AKAP6: variants seen among roughly 807,000 people sequenced by gnomAD.
AKAP6 encodes A-kinase anchoring protein 6, also known as A-kinase anchor protein 6.
AKAP6 carries 58 observed loss-of-function variants against 188.5 expected under a neutral mutation model. The ratio of observed to expected loss-of-function variants is 0.31; its 90% confidence interval spans 0.25 to 0.38. The LOEUF (loss-of-function observed/expected upper bound fraction) is 0.38. AKAP6 is among the 10% of genes least tolerant of loss of function. AKAP6 has a pLI of 1.00. For missense variants in AKAP6, 2,710 were observed against 2,740.0 expected, an observed-to-expected ratio of 0.99 and a Z score of 0.24; for synonymous variants, 989 against 998.6, an observed-to-expected ratio of 0.99 and a Z score of 0.18.
chr14:32,645,335 T>C (rs1887942453), intron 7 of AKAP6, among the ~76,000 whole-genome samples: 1 of 152,242 alleles, frequency 6.6e-6, no homozygotes, highest in African/African-American at 2.4e-5. Flanking sequence ...CTATCAGTAA[T>C]GTTTGTTGCA....
intron 8 of AKAP6, among the ~76,000 whole-genome samples, chr14:32,679,952 A>G (rs566810085): frequency 6.6e-6 from 1 of 152,334 alleles, no homozygotes; most frequent in South Asian, 2.1e-4. Flanking sequence ...CTAAATGCCT[A>G]AATAGCCTCT....
chr14:32,818,912 A>G (rs2034452946), intron 12 of AKAP6, among the ~76,000 whole-genome samples: 1 of 152,190 alleles, frequency 6.6e-6, no homozygotes, highest in African/African-American at 2.4e-5. Flanking sequence ...TCAATTATTT[A>G]TTAGCACTCT....
Position 32,546,555 on chromosome 14 carries a change from C to T in AKAP6, c.1902C>T (p.Pro634=), listed in dbSNP as rs760787341. Residue 634 remains proline, a synonymous_variant, in exon 4 of 14, where the codon CCC becomes CCT. Coordinates refer to ENST00000280979, the MANE Select transcript of AKAP6 (RefSeq NM_004274.5). The part of the protein sequence containing the change: ...WYGSDEYLAL[P]SHLKQTEVLA... ...GCTCTGATGAATACCTAGCACTGCC[C>T]TCTCACCTTAAGCAGACAGAAGTAT... 6.2e-7 allele frequency: 1 copy of T among 1,614,034 alleles called. No homozygotes were observed. Among genetic ancestry groups the T allele is most frequent in the Admixed American group, 1.7e-5 (1 of 59,992 alleles).
At chr14:32,536,324 A>T (rs1314934553) in intron 3 of AKAP6, among the ~76,000 whole-genome samples, 5 of 152,208 alleles carry the variant, frequency 3.3e-5, no homozygotes, top group Non-Finnish European at 5.9e-5. Flanking sequence ...AGAGACAGGA[A>T]TAGACTGGTG....
chr14:32,766,522 TC>T (rs2032725102), intron 11 of AKAP6, among the ~76,000 whole-genome samples: 2 of 152,172 alleles, frequency 1.3e-5, no homozygotes, highest in Non-Finnish European at 2.9e-5. Flanking sequence ...ACTTGTTATT[TC>T]CTTTTTAGCC....
chr14:32,798,917 G>T (rs2033855787), intron 12 of AKAP6, among the ~76,000 whole-genome samples: 1 of 152,100 alleles, frequency 6.6e-6, no homozygotes, highest in Admixed American at 6.6e-5. Context: ...TAGGTAATGG[G>T]AGGTTTAAAT....
At chr14:32,465,821 A>G (rs550745425) in intron 2 of AKAP6, among the ~76,000 whole-genome samples, 1 of 152,358 alleles carries the variant, frequency 6.6e-6, no homozygotes, top group East Asian at 1.9e-4. Context: ...AAATTTTTGC[A>G]ATCTATCCAT....
intron 2 of AKAP6, among the ~76,000 whole-genome samples, chr14:32,464,640 T>C (rs537467609): frequency 2.0e-5 from 3 of 152,204 alleles, no homozygotes; most frequent in South Asian, 4.1e-4. Flanking sequence ...ACCAACATCA[T>C]ACTGAATGGG....
chr14:32,401,142 G>C (rs1332793616), intron 1 of AKAP6, among the ~76,000 whole-genome samples: 2 of 152,164 alleles, frequency 1.3e-5, no homozygotes, highest in African/African-American at 2.4e-5. Context: ...GCTAATCTAG[G>C]GTATAGGGGC....
chr14:32,693,201 TG>T (rs1337153702), intron 8 of AKAP6, among the ~76,000 whole-genome samples: 25 of 152,258 alleles, frequency 1.6e-4, no homozygotes, highest in African/African-American at 4.8e-4. Flanking sequence ...GGGCTGTAGC[TG>T]GTCTAGCTTA....
At chr14:32,537,930 C>T (rs1882759631) in intron 3 of AKAP6, among the ~76,000 whole-genome samples, 1 of 152,150 alleles carries the variant, frequency 6.6e-6, no homozygotes, top group South Asian at 2.1e-4. Flanking sequence ...TCTATTCTCA[C>T]AACACGAACT....
At chr14:32,453,570 C>CTTTTTTTTTTTTTTTTT (rs1891006364) in intron 2 of AKAP6, among the ~76,000 whole-genome samples, 1 of 70,914 alleles carries the variant, frequency 1.4e-5, no homozygotes, top group Non-Finnish European at 2.5e-5. Context: ...TAGAATTTTT[C>CTTTTTTTTTTTTTTTTT]TTTTCTTTTT....
intron 2 of AKAP6, among the ~76,000 whole-genome samples, chr14:32,439,936 T>G (rs1890515617): frequency 6.6e-6 from 1 of 152,218 alleles, no homozygotes. Context: ...ATCTTTCTTT[T>G]CTGCGAAGAG....
chr14:32,433,800 C>T lies in AKAP6; in HGVS notation c.307C>T (p.His103Tyr). Residue 103 changes from histidine to tyrosine, a missense_variant, in exon 2 of 14, where the codon CAT becomes TAT. His to Tyr is a moderately conservative substitution (Grantham distance 83). Coordinates refer to ENST00000280979, the MANE Select transcript of AKAP6 (RefSeq NM_004274.5). ...TTCGGACAGCAAGCATGTGGATGTACATCTAGTTCAACTAAAGGTAAGGCA... is the reference window on the plus strand; with the variant it reads ...TTCGGACAGCAAGCATGTGGATGTATATCTAGTTCAACTAAAGGTAAGGCA... The part of the protein sequence containing the change: ...QDSDSKHVDV[H>Y]LVQLKDICED... 6.2e-7 allele frequency: 1 copy of T among 1,613,286 alleles called. No homozygotes were observed. Among genetic ancestry groups the T allele is most frequent in the South Asian group, 1.1e-5 (1 of 91,048 alleles).
chr14:32,652,148 C>G (rs530935084), intron 7 of AKAP6, among the ~76,000 whole-genome samples: 25 of 152,246 alleles, frequency 1.6e-4, no homozygotes, highest in African/African-American at 6.0e-4. Flanking sequence ...CTGTTGTCAC[C>G]TAAAAGTTTC....
chr14:32,721,739 G>C (rs1331013744), intron 9 of AKAP6, among the ~76,000 whole-genome samples: 1 of 152,160 alleles, frequency 6.6e-6, no homozygotes, highest in Non-Finnish European at 1.5e-5. Flanking sequence ...TCTAGCGAGT[G>C]ACAGCTTCTT....
intron 12 of AKAP6, among the ~76,000 whole-genome samples, chr14:32,814,639 C>A (rs145429983): frequency 2.7e-4 from 41 of 152,338 alleles, no homozygotes; most frequent in African/African-American, 8.9e-4. Context: ...ACCCTCAGAA[C>A]CTTTCTCCAG....
At chr14:32,727,680 T>C (rs573552595) in intron 9 of AKAP6, among the ~76,000 whole-genome samples, 1 of 152,272 alleles carries the variant, frequency 6.6e-6, no homozygotes, top group Non-Finnish European at 1.5e-5. Context: ...TTAAATGACA[T>C]TGCACTTTTT....
At chr14:32,458,534 C>T (rs1306672654) in intron 2 of AKAP6, among the ~76,000 whole-genome samples, 1 of 151,968 alleles carries the variant, frequency 6.6e-6, no homozygotes. Context: ...TTAGTAGTCA[C>T]AATAGGAATG....
Sources: gnomAD v4.1 joint callset for allele counts (sites outside exome capture counted in the v4.1 genomes callset) on GRCh38, gnomAD v4.1.1 for gene constraint, MANE v1.5 for transcripts, NCBI Gene and HGNC (gene_info 2026-07-23, HGNC 2026-07-21) for gene names.